Variants in DLG2 observed in about 807,000 individuals in gnomAD.
DLG2 encodes disks large homolog 2.
Under a neutral mutation model 132.5 loss-of-function variants are expected in DLG2, and 45 were observed. The ratio of observed to expected loss-of-function variants is 0.34; its 90% CI spans 0.27 to 0.44. The LOEUF is 0.44. Among genes scored for constraint, DLG2 ranks in the 20% least tolerant of loss-of-function variants. The pLI, the probability that DLG2 is intolerant of heterozygous loss-of-function variation, is 1.00. For synonymous variants in DLG2, 424 were observed against 419.6 expected, an observed-to-expected ratio of 1.01 and a Z score of -0.13; for missense variants, 1,045 against 1,196.9, an observed-to-expected ratio of 0.87 and a Z score of 1.87.
intron 6 of DLG2, among the ~76,000 whole-genome samples, chr11:84,617,276 T>C (rs375393165): frequency 6.6e-6 from 1 of 152,062 alleles, no homozygotes; most frequent in African/African-American, 2.4e-5. Context: ...AGAATGATGG[T>C]TTCCAGCTTC....
At chr11:85,169,010 TCA>T (rs1397244661) in intron 4 of DLG2, among the ~76,000 whole-genome samples, 4 of 152,118 alleles carry the variant, frequency 2.6e-5, no homozygotes, top group Non-Finnish European at 5.9e-5. Flanking sequence ...CCAGAAACCT[TCA>T]CAGATACCAA....
chr11:84,233,597 T>G (rs1027049431), intron 8 of DLG2, among the ~76,000 whole-genome samples: 1 of 152,096 alleles, frequency 6.6e-6, no homozygotes, highest in African/African-American at 2.4e-5. Context: ...GATAAAAGAT[T>G]AGGGTGGGGC....
chr11:84,007,942 C>T (rs1471344123), intron 11 of DLG2, among the ~76,000 whole-genome samples: 5 of 151,684 alleles, frequency 3.3e-5, no homozygotes, highest in Non-Finnish European at 5.9e-5. Flanking sequence ...ATTCCCTTTG[C>T]ATTTTCTTTC....
chr11:83,614,294 G>A (rs1341368674), intron 19 of DLG2, among the ~76,000 whole-genome samples: 2 of 152,120 alleles, frequency 1.3e-5, no homozygotes, highest in African/African-American at 4.8e-5. Flanking sequence ...TTTGTAAAAC[G>A]AATGAATGAA....
intron 18 of DLG2, among the ~76,000 whole-genome samples, chr11:83,708,908 T>A (rs1349383617): frequency 6.6e-6 from 1 of 152,194 alleles, no homozygotes; most frequent in Non-Finnish European, 1.5e-5. Context: ...ACTTATTTAC[T>A]AGTTGAGTGA....
At chr11:84,867,944 G>A (rs1260694982) in intron 6 of DLG2, among the ~76,000 whole-genome samples, 3 of 151,898 alleles carry the variant, frequency 2.0e-5, no homozygotes, top group African/African-American at 4.8e-5. Flanking sequence ...CGTGGTAGCC[G>A]GCGCCTGCAG....
At chr11:84,373,269 A>AAAAAAAAAAAAAAAAAAAAAAAAAAAAC (rs1555532736) in intron 7 of DLG2, among the ~76,000 whole-genome samples, 5 of 128,464 alleles carry the variant, frequency 3.9e-5, no homozygotes, top group Non-Finnish European at 6.4e-5. Context: ...AAAAAACAAA[A>AAAAAAAAAAAAAAAAAAAAAAAAAAAAC]CAAAAAAAAA....
At chr11:84,988,841 G>A (rs1282330657) in intron 6 of DLG2, among the ~76,000 whole-genome samples, 1 of 151,968 alleles carries the variant, frequency 6.6e-6, no homozygotes, top group Non-Finnish European at 1.5e-5. Flanking sequence ...CACGTAACCA[G>A]ACATCACCTT....
At chr11:85,132,827 G>T (rs2075833601) in intron 5 of DLG2, 1 of 456,638 alleles carries the variant, frequency 2.2e-6, no homozygotes, top group South Asian at 1.5e-5. Flanking sequence ...CTCAGTACAT[G>T]GAAATCACAC....
At chr11:85,538,588 C>T (rs2075763290) in intron 3 of DLG2, among the ~76,000 whole-genome samples, 1 of 151,852 alleles carries the variant, frequency 6.6e-6, no homozygotes, top group African/African-American at 2.4e-5. Context: ...ATGGAATCCA[C>T]CCAAATGCCC....
Position 84,313,581 on chromosome 11 carries a change from GAA to G in DLG2, c.520-62292_520-62291del, listed in dbSNP as rs1491431977. Among the ~76,000 whole-genome samples, 20 of 135,734 alleles carry G rather than the reference GAA, an allele frequency of 1.5e-4. 1 individual carries two copies. Among genetic ancestry groups the G allele is most frequent in the Non-Finnish European group, 3.2e-5 (2 of 61,672 alleles). 89.0% of individuals were successfully genotyped at this position (135,734 alleles called of 152,430 possible). On this transcript the variant is annotated intron_variant, in intron 7 of 27. Transcript: ENST00000376104. ...GGGAGGGAGGAGAGAGAGAGAGAGAGAAAGGAAGGAAGGAAGGAGGGAAGGAA... is the reference window on the plus strand; with the variant it reads ...GGGAGGGAGGAGAGAGAGAGAGAGAGAGGAAGGAAGGAAGGAGGGAAGGAA...
chr11:83,520,857 T>C (rs988369950), intron 21 of DLG2, among the ~76,000 whole-genome samples: 3 of 152,218 alleles, frequency 2.0e-5, no homozygotes, highest in Admixed American at 2.0e-4. Flanking sequence ...CCCTCTTACA[T>C]GTCCCACTTT....
chr11:83,844,029 A>C (rs1371733109), intron 16 of DLG2, among the ~76,000 whole-genome samples: 2 of 152,206 alleles, frequency 1.3e-5, no homozygotes, highest in East Asian at 3.8e-4. Flanking sequence ...GAATAGCAGC[A>C]GACTGAAGAG....
intron 6 of DLG2, among the ~76,000 whole-genome samples, chr11:85,047,934 C>T (rs2062509068): frequency 1.3e-5 from 2 of 151,790 alleles, no homozygotes; most frequent in Admixed American, 1.3e-4. Flanking sequence ...GAGAGTTTTA[C>T]CTGTTATCTC....
At chr11:83,740,673 A>T (rs111941057) in intron 18 of DLG2, among the ~76,000 whole-genome samples, 2,829 of 152,308 alleles carry the variant, frequency 0.019, 42 homozygotes, top group Non-Finnish European at 0.026. Flanking sequence ...GTAAAAATAA[A>T]TATACTTTCT....
At chr11:83,615,816 G>T (rs2060717290) in intron 19 of DLG2, among the ~76,000 whole-genome samples, 1 of 152,176 alleles carries the variant, frequency 6.6e-6, no homozygotes, top group South Asian at 2.1e-4. Context: ...GCGTGGAATT[G>T]AATTCAGCCA....
At chr11:85,591,318 GA>G (rs1379394714) in intron 3 of DLG2, among the ~76,000 whole-genome samples, 1 of 152,188 alleles carries the variant, frequency 6.6e-6, no homozygotes, top group Non-Finnish European at 1.5e-5. Context: ...ACAACTCCTA[GA>G]AGACATTTTA....
At chr11:84,230,889 T>C (rs535562449) in intron 8 of DLG2, among the ~76,000 whole-genome samples, 207 of 152,218 alleles carry the variant, frequency 1.4e-3, no homozygotes, top group African/African-American at 4.7e-3. Context: ...ATAGTGGAAA[T>C]ACAAGAACTT....
chr11:83,488,544 T>TATC (rs2137953477), intron 21 of DLG2, among the ~76,000 whole-genome samples: 1 of 151,912 alleles, frequency 6.6e-6, no homozygotes, highest in East Asian at 1.9e-4. Flanking sequence ...TGACATATTT[T>TATC]ATCTTTCTCA....
Sources: allele counts gnomAD v4.1 joint callset (sites outside exome capture counted in the v4.1 genomes callset), GRCh38; gene constraint gnomAD v4.1.1; transcripts MANE v1.5; gene names NCBI Gene and HGNC (gene_info 2026-07-23, HGNC 2026-07-21).